Variants in UGT2B7 observed in about 807,000 individuals in gnomAD.
UGT2B7 encodes UDP glucuronosyltransferase family 2 member B7.
A neutral mutation model predicts 51.9 loss-of-function variants in UGT2B7; 51 were observed. The ratio of observed to expected loss-of-function variants is 0.98; its 90% confidence interval spans 0.78 to 1.24. The LOEUF (loss-of-function observed/expected upper bound fraction) is 1.24, where lower values mean the gene tolerates loss of function less well. Among genes scored for constraint, UGT2B7 ranks in the 50% most tolerant of loss-of-function variants. The pLI, the probability that UGT2B7 is intolerant of heterozygous loss-of-function variation, is 0.00. For missense variants in UGT2B7, 727 were observed against 628.4 expected, an observed-to-expected ratio of 1.16 and a Z score of -1.68; for synonymous variants, 225 against 211.6, an observed-to-expected ratio of 1.06 and a Z score of -0.55.
At chr4:69,081,704 G>C (rs1016951067) in intron 1 of UGT2B7, among the ~76,000 whole-genome samples, 2 of 151,952 alleles carry the variant, frequency 1.3e-5, no homozygotes, top group Non-Finnish European at 2.9e-5. Flanking sequence ...TCATCTCACC[G>C]TATTATGTGA....
rs771240942 is a variant in UGT2B7, at chr4:69,108,097, T to A, written c.1091-6T>A. On this transcript the variant is annotated splice_region_variant and splice_polypyrimidine_tract_variant and intron_variant, in intron 4 of 5. Transcript: ENST00000305231. ...AGTAATTTTGCTAAAATTCATCCAATCCTAGGTCATCCAAAGACCAGAGCT... is the reference window on the plus strand; with the variant it reads ...AGTAATTTTGCTAAAATTCATCCAAACCTAGGTCATCCAAAGACCAGAGCT... 170 of 1,613,268 alleles carry A rather than the reference T, an allele frequency of 1.1e-4. No homozygotes were observed. The highest frequency in any genetic ancestry group is 1.6e-4 in the Middle Eastern group (1 of 6,070).
chr4:69,081,933 C>T (rs1267714888), intron 1 of UGT2B7, among the ~76,000 whole-genome samples: 2 of 152,026 alleles, frequency 1.3e-5, no homozygotes, highest in Non-Finnish European at 2.9e-5. Context: ...GCACATCATG[C>T]AAGTCTACTG....
intron 5 of UGT2B7, among the ~76,000 whole-genome samples, 191 bp downstream of exon 5, chr4:69,108,513 T>G (rs1200967422): frequency 6.6e-6 from 1 of 152,068 alleles, no homozygotes; most frequent in East Asian, 1.9e-4. Flanking sequence ...ATCTAAAGAA[T>G]AGCCAGTTAG....
chr4:69,074,758 G>A (rs547559427), intron 1 of UGT2B7, among the ~76,000 whole-genome samples: 137 of 151,934 alleles, frequency 9.0e-4, no homozygotes, highest in African/African-American at 3.2e-3. Flanking sequence ...GTCTCATTTG[G>A]TTTCCTCCCA....
chr4:69,097,800 C>T (rs567992220), intron 1 of UGT2B7, among the ~76,000 whole-genome samples: 2 of 152,016 alleles, frequency 1.3e-5, no homozygotes, highest in South Asian at 2.1e-4. Flanking sequence ...TACTCTTTCA[C>T]GAAAGAATTG....
At chr4:69,107,128 C>G (rs758574713) in intron 3 of UGT2B7, 47 bp from the exon 4 acceptor site, 1 of 1,574,066 alleles carries the variant, frequency 6.4e-7, no homozygotes, top group South Asian at 1.1e-5. Flanking sequence ...CATTCTATAA[C>G]TTTTGAATTC....
At position 69,102,936 on chromosome 4, in the gene UGT2B7, A is replaced by C; in HGVS notation, c.1000A>C (p.Lys334Gln). The C allele has an allele frequency of 1.2e-6, 2 of 1,612,380 alleles. No homozygotes were observed. The highest frequency in any genetic ancestry group is 1.7e-6 in the Non-Finnish European group (2 of 1,179,212). The change falls in exon 3 of 6, where the codon AAG (lysine) becomes CAG (glutamine). Residue 334 changes from lysine to glutamine, a missense_variant and splice_region_variant. Coordinates refer to ENST00000305231, the MANE Select transcript of UGT2B7 (RefSeq NM_001074.4). The part of the protein sequence containing the change: ...IASALAQIPQ[K>Q]VLWRFDGNKP... ...ATCAGCCCTGGCCCAGATCCCACAAAAGGTAAGATGAAGTGCCTTACTGGT... is the reference window on the plus strand; with the variant it reads ...ATCAGCCCTGGCCCAGATCCCACAACAGGTAAGATGAAGTGCCTTACTGGT...
upstream of UGT2B7, among the ~76,000 whole-genome samples, chr4:69,094,709 A>G (rs1719173844): frequency 6.6e-6 from 1 of 152,212 alleles, no homozygotes; most frequent in African/African-American, 2.4e-5. Context: ...TAAGACAACA[A>G]TGGCATTTGC....
chr4:69,098,831 CAT>C, intron 2 of UGT2B7, 143 bp downstream of exon 2: 1 of 1,386,218 alleles, frequency 7.2e-7, no homozygotes, highest in Non-Finnish European at 9.8e-7. Context: ...ATTAGAAACT[CAT>C]GTGCACGTTA....
rs372168240 is a variant in UGT2B7, at chr4:69,097,241, G to T, written c.721G>T (p.Gly241Ter). 1 of 1,600,886 alleles carries T rather than the reference G, an allele frequency of 6.2e-7. No homozygotes were observed. ...GGATCAGTTTTATAGTGAAGTTCTAGGTAAGTATTTTTTTCAATCAGTAAC... is the reference window on the plus strand; with the variant it reads ...GGATCAGTTTTATAGTGAAGTTCTATGTAAGTATTTTTTTCAATCAGTAAC... ...KWDQFYSEVL[G>*]RPTTLSETMG... The change falls in exon 1 of 6, where the codon GGA (glycine) becomes TGA (stop). Residue 241 changes from glycine (G) to a stop codon, truncating the protein, a stop_gained and splice_region_variant. Coordinates refer to ENST00000305231, the MANE Select transcript of UGT2B7 (RefSeq NM_001074.4). LOFTEE classifies it high-confidence loss of function.
intron 1 of UGT2B7, among the ~76,000 whole-genome samples, chr4:69,075,271 G>A (rs1221447308): frequency 1.3e-5 from 2 of 152,078 alleles, no homozygotes; most frequent in Non-Finnish European, 2.9e-5. Context: ...GGCTTGCTTA[G>A]CAAATAAATT....
chr4:69,091,792 G>A (rs190117829), upstream of UGT2B7, among the ~76,000 whole-genome samples: 14 of 152,146 alleles, frequency 9.2e-5, no homozygotes, highest in East Asian at 2.7e-3. Context: ...TCATAGAAAG[G>A]GGCCACAAAG....
intron 3 of UGT2B7, among the ~76,000 whole-genome samples, chr4:69,105,325 CTTT>C: frequency 6.6e-6 from 1 of 152,154 alleles, no homozygotes; most frequent in Non-Finnish European, 1.5e-5. Context: ...TTGTCAATTA[CTTT>C]TTAATTTCCT....
At chr4:69,060,311 C>G (rs1718315062) in intron 1 of UGT2B7, among the ~76,000 whole-genome samples, 1 of 152,172 alleles carries the variant, frequency 6.6e-6, no homozygotes, top group Admixed American at 6.5e-5. Context: ...AGAAGCAGAC[C>G]ATTTGTACAC....
Position 69,112,878 on chromosome 4 carries a change from T to C in UGT2B7, c.*142T>C. 7 of 1,310,858 alleles carry C rather than the reference T, an allele frequency of 5.3e-6. No homozygotes were observed. The highest frequency in any genetic ancestry group is 3.6e-5 in the South Asian group (2 of 56,332). 81.2% of individuals were successfully genotyped at this position (1,310,858 alleles called of 1,614,324 possible). A position where few individuals can be genotyped will look rare whatever the true frequency, so the allele number is the denominator to read the frequency against. ...AAAAAAATCTTTTCAAAATTTACTTTGTCAAATAAAAATTTGTTTTTCAGA... is the reference window on the plus strand; with the variant it reads ...AAAAAAATCTTTTCAAAATTTACTTCGTCAAATAAAAATTTGTTTTTCAGA... On this transcript the variant is annotated 3_prime_UTR_variant, in exon 6 of 6. Coordinates refer to ENST00000305231, the MANE Select transcript of UGT2B7 (RefSeq NM_001074.4).
intron 1 of UGT2B7, among the ~76,000 whole-genome samples, chr4:69,054,404 A>G (rs1169685938): frequency 1.3e-5 from 2 of 152,204 alleles, no homozygotes; most frequent in East Asian, 3.9e-4. Flanking sequence ...AAACCTAAAC[A>G]TAAAGTCTCC....
rs1718249251 is a variant in UGT2B7, at chr4:69,058,096, G to A, written c.-159+6494G>A. The stretch of plus-strand genomic sequence containing the variant: ...GCTACAAAGACAAAGTGAAAACAGA[G>A]TTAAAGGGAAAGTCACAGGAGCTTG... On this transcript the variant is annotated intron_variant, in intron 1 of 5. Coordinates refer to the UGT2B7 transcript ENST00000502942. Among the ~76,000 whole-genome samples the A allele has an allele frequency of 2.6e-5, 4 of 152,332 alleles. No homozygotes were observed. The South Asian group carries it at 8.3e-4, about 32-fold the overall frequency.
intron 1 of UGT2B7, among the ~76,000 whole-genome samples, chr4:69,085,348 T>C (rs938523883): frequency 6.6e-6 from 1 of 152,200 alleles, no homozygotes; most frequent in Non-Finnish European, 1.5e-5. Context: ...AACTGTTTTG[T>C]AGATTCTGGA....
At chr4:69,077,547 T>C (rs1283948702) in intron 1 of UGT2B7, among the ~76,000 whole-genome samples, 1 of 151,580 alleles carries the variant, frequency 6.6e-6, no homozygotes, top group Non-Finnish European at 1.5e-5. Context: ...TTTGTGTCAA[T>C]TGGGAATGGG....
Sources: gnomAD v4.1 joint callset for allele counts (sites outside exome capture counted in the v4.1 genomes callset) on GRCh38, gnomAD v4.1.1 for gene constraint, MANE v1.5 for transcripts, NCBI Gene and HGNC (gene_info 2026-07-23, HGNC 2026-07-21) for gene names.